The following HEATR4 variants were observed in gnomAD, a reference collection of about 807,000 sequenced individuals.
HEATR4 encodes HEAT repeat containing 4.
HEATR4 carries 95 observed loss-of-function variants against 108.8 expected under a neutral mutation model. That is an observed-to-expected ratio of 0.87 (90% CI 0.74 to 1.04). The LOEUF (loss-of-function observed/expected upper bound fraction) is 1.04, where lower values mean the gene tolerates loss of function less well. Among genes scored for constraint, HEATR4 ranks in the 50% least tolerant of loss-of-function variants. The probability of loss-of-function intolerance (pLI) is 0.00; values close to 1 mark genes in which losing one functional copy is unlikely to be tolerated. For synonymous variants in HEATR4, 443 were observed against 459.4 expected (o/e 0.96, Z 0.46); for missense variants, 1,152 against 1,253.8 (o/e 0.92, Z 1.23).
At chr14:73,513,383 T>C (rs1192257670) in intron 6 of HEATR4, among the ~76,000 whole-genome samples, 2 of 148,986 alleles carry the variant, frequency 1.3e-5, no homozygotes, top group Non-Finnish European at 3.0e-5. Context: ...CGCTTGAACC[T>C]GGGAGGTAGA....
At chr14:73,500,011 C>T (rs1343382272) in intron 12 of HEATR4, among the ~76,000 whole-genome samples, 5 of 152,186 alleles carry the variant, frequency 3.3e-5, no homozygotes, top group Non-Finnish European at 2.9e-5. Context: ...GGGCGGATCA[C>T]GAAGTCAGGA....
rs115708085 is a variant in HEATR4, at chr14:73,505,107, G to C, written c.1986+1360C>G. The stretch of plus-strand genomic sequence containing the variant: ...CACCATGCCCAGCTAATTAGAGATG[G>C]GGTTTTGCCATGATGACCAGGCTGG... On this transcript the variant is annotated intron_variant, in intron 10 of 17. Coordinates refer to ENST00000553558, the MANE Select transcript of HEATR4 (RefSeq NM_001220484.1). 7.1e-3 allele frequency among the ~76,000 whole-genome samples: 1,074 copies of C among 151,950 alleles called. 15 individuals are homozygous for C. Among genetic ancestry groups the C allele is most frequent in the African/African-American group, 0.025 (1,033 of 41,474 alleles).
Position 73,533,498 on chromosome 14 carries a change from G to T in HEATR4, c.-151-3254C>A, listed in dbSNP as rs1164400021. On this transcript the variant is annotated intron_variant, in intron 1 of 17. Coordinates refer to ENST00000553558, the MANE Select transcript of HEATR4 (RefSeq NM_001220484.1). ...GTTCAAGACCAGCCTGGTCAACATG[G>T]TGGAACCCCATCTCTACTAAAAATA... is the stretch of plus-strand genomic sequence containing the variant. 1.7e-4 allele frequency among the ~76,000 whole-genome samples: 20 copies of T among 114,438 alleles called. 6 individuals are homozygous for T. Among genetic ancestry groups the T allele is most frequent in the Non-Finnish European group, 3.2e-4 (17 of 52,526 alleles). The allele number at this position is 114,438 out of a possible 152,430, so 75.1% of individuals were successfully genotyped here. A position where few individuals can be genotyped will look rare whatever the true frequency, so the allele number is the denominator to read the frequency against.
At chr14:73,585,585 A>T in the HEATR4 span, among the ~76,000 whole-genome samples, 1 of 151,826 alleles carries the variant, frequency 6.6e-6, no homozygotes, top group South Asian at 2.1e-4. Context: ...GCTACGGGGG[A>T]GGCTGAGGCA....
At chr14:73,526,728 C>T (rs1888363954) in intron 2 of HEATR4, among the ~76,000 whole-genome samples, 1 of 152,226 alleles carries the variant, frequency 6.6e-6, no homozygotes, top group South Asian at 2.1e-4. Context: ...CAGATTTATC[C>T]TGGCAGGATT....
At chr14:73,607,664 C>A in the HEATR4 span, among the ~76,000 whole-genome samples, 1 of 151,986 alleles carries the variant, frequency 6.6e-6, no homozygotes, top group Admixed American at 6.6e-5. Context: ...GCTCTTGTCA[C>A]CCAGGCTGGA....
the HEATR4 span, among the ~76,000 whole-genome samples, chr14:73,589,365 G>A: frequency 1.3e-5 from 2 of 151,718 alleles, no homozygotes; most frequent in Admixed American, 1.3e-4. Flanking sequence ...TGTCACCGAT[G>A]CTGTAGTGCA....
At chr14:73,509,850 A>T (rs1393733433) in intron 7 of HEATR4, among the ~76,000 whole-genome samples, 44 of 62,500 alleles carry the variant, frequency 7.0e-4, no homozygotes, top group African/African-American at 2.8e-3. Flanking sequence ...ATATATATAT[A>T]TATATATATA....
the HEATR4 span, chr14:73,593,721 G>A: frequency 1.2e-6 from 2 of 1,612,302 alleles, no homozygotes; most frequent in Non-Finnish European, 8.5e-7. Flanking sequence ...CCTTCCCAGG[G>A]ATCATTGACA....
upstream of HEATR4, among the ~76,000 whole-genome samples, chr14:73,562,163 G>C (rs1000819588): frequency 5.9e-5 from 9 of 151,952 alleles, 1 homozygote; most frequent in African/African-American, 2.2e-4. Context: ...GGTGGCAGTG[G>C]GGAATAAGGA....
At chr14:73,498,480 G>T in intron 13 of HEATR4, 136 bp from the exon 14 acceptor site, 1 of 699,766 alleles carries the variant, frequency 1.4e-6, no homozygotes, top group Non-Finnish European at 2.3e-6. Context: ...GGATAGGTCA[G>T]AATGGGACAT....
At chr14:73,592,128 C>T in the HEATR4 span, 595,550 of 1,559,768 alleles carry the variant, frequency 0.38, 118,929 homozygotes, top group East Asian at 0.66. Context: ...CGCCGACGCC[C>T]GCGGCGAGCT....
the HEATR4 span, among the ~76,000 whole-genome samples, chr14:73,597,672 C>A: frequency 6.9e-6 from 1 of 144,440 alleles, no homozygotes; most frequent in African/African-American, 2.6e-5. Context: ...CGGCTCACCA[C>A]AACCTCTGCC....
chr14:73,490,481 G>C (rs1885637451), intron 17 of HEATR4, among the ~76,000 whole-genome samples: 1 of 152,100 alleles, frequency 6.6e-6, no homozygotes. Flanking sequence ...CGTCCGGCTA[G>C]TTTTTTGTAT....
At chr14:73,612,900 A>G in the HEATR4 span, 4 of 1,372,104 alleles carry the variant, frequency 2.9e-6, no homozygotes, top group Non-Finnish European at 3.9e-6. Flanking sequence ...GAAGTGCTGG[A>G]CGGCCACGAC....
At chr14:73,554,952 A>G (rs1889373683) in intron 1 of HEATR4, among the ~76,000 whole-genome samples, 1 of 113,996 alleles carries the variant, frequency 8.8e-6, no homozygotes, top group African/African-American at 2.8e-5. Context: ...ATTGCTTGTC[A>G]AATTCTGAAG....
At chr14:73,585,847 G>C in the HEATR4 span, among the ~76,000 whole-genome samples, 283 of 130,286 alleles carry the variant, frequency 2.2e-3, 2 homozygotes, top group Middle Eastern at 4.5e-3. Flanking sequence ...TGAGATAAGA[G>C]TCTTGCTCTG....
At chr14:73,596,516 G>T in the HEATR4 span, 12 of 151,972 alleles carry the variant, frequency 7.9e-5, no homozygotes, top group African/African-American at 2.9e-4. Flanking sequence ...AAAAAGAATA[G>T]AACTTGGAAA....
the HEATR4 span, chr14:73,619,847 G>T: frequency 6.4e-7 from 1 of 1,573,404 alleles, no homozygotes; most frequent in Non-Finnish European, 8.6e-7. Context: ...TAACATTGTA[G>T]CCACAGACCA....
Sources: allele counts gnomAD v4.1 joint callset (sites outside exome capture counted in the v4.1 genomes callset), GRCh38; gene constraint gnomAD v4.1.1; transcripts MANE v1.5; gene names NCBI Gene and HGNC (gene_info 2026-07-23, HGNC 2026-07-21).